SEC23B: variants seen among roughly 807,000 people sequenced by gnomAD.
The protein encoded by SEC23B is protein transport protein Sec23B.
A neutral mutation model predicts 104.3 loss-of-function variants in SEC23B; 77 were observed. The ratio of observed to expected loss-of-function variants is 0.74; its 90% CI spans 0.61 to 0.89. SEC23B has a LOEUF of 0.89. SEC23B is among the 40% of genes least tolerant of loss of function. SEC23B has a pLI of 0.00. For synonymous variants in SEC23B, 338 were observed against 332.5 expected (o/e 1.02, Z -0.18); for missense variants, 885 against 949.4 (o/e 0.93, Z 0.89).
In SEC23B at chr20:18,542,410, G is replaced by A; in HGVS notation, c.1511+8G>A. 3 of 1,611,252 alleles carry A rather than the reference G, an allele frequency of 1.9e-6. No individual in the cohort carries two copies. Among genetic ancestry groups the A allele is most frequent in the East Asian group, 2.2e-5 (1 of 44,876 alleles). On this transcript the variant is annotated splice_region_variant and intron_variant, in intron 13 of 19. Coordinates refer to ENST00000650089, the MANE Select transcript of SEC23B (RefSeq NM_006363.6). ...GACCACCATCGCCCGAAAGTAAGCAGCCCCAGTTTCCTTTCTGTTGAGGAA... is the reference window on the plus strand; with the variant it reads ...GACCACCATCGCCCGAAAGTAAGCAACCCCAGTTTCCTTTCTGTTGAGGAA...
chr20:18,553,149 G>C (rs2060404420), intron 17 of SEC23B, among the ~76,000 whole-genome samples: 1 of 152,200 alleles, frequency 6.6e-6, no homozygotes, highest in African/African-American at 2.4e-5. Context: ...GCAAGTGAGG[G>C]GTTCTAAGGA....
In SEC23B at chr20:18,537,714, T is replaced by C. The variant is rs755953173; in HGVS notation, c.1404+1972T>C. Among the ~76,000 whole-genome samples, 193 of 152,178 alleles carry C rather than the reference T, an allele frequency of 1.3e-3. 1 individual carries two copies. The highest frequency in any genetic ancestry group is 2.2e-3 in the Non-Finnish European group (149 of 68,012). Reference sequence around the variant, plus strand: ...AACTAACCTGCACATTGTGCACATGTACCCTAAAACTTAAAGTATAATAAT... The same window carrying C: ...AACTAACCTGCACATTGTGCACATGCACCCTAAAACTTAAAGTATAATAAT... On this transcript the variant is annotated intron_variant, in intron 12 of 19. Coordinates refer to ENST00000650089, the MANE Select transcript of SEC23B (RefSeq NM_006363.6).
At position 18,513,450 on chromosome 20, in the gene SEC23B, T is replaced by G. The variant is rs1252211358; in HGVS notation, c.279+1168T>G. On this transcript the variant is annotated intron_variant, in intron 3 of 19. Transcript: ENST00000650089. ...TCTAAAAATCATTGACTTGTATAATTAAAATGAGTGAATTTTATGTTGCGT... is the reference window on the plus strand; with the variant it reads ...TCTAAAAATCATTGACTTGTATAATGAAAATGAGTGAATTTTATGTTGCGT... Among the ~76,000 whole-genome samples, 3 of 152,248 alleles carry G rather than the reference T, an allele frequency of 2.0e-5. No individual in the cohort carries two copies. The East Asian group carries it at 5.8e-4, about 29-fold the overall frequency.
At chr20:18,516,706 C>T (rs1466902109) in intron 4 of SEC23B, among the ~76,000 whole-genome samples, 8 of 151,952 alleles carry the variant, frequency 5.3e-5, no homozygotes, top group Non-Finnish European at 8.8e-5. Flanking sequence ...CGCCTGCCAC[C>T]ACGCCCGGCT....
In SEC23B at chr20:18,512,321, T is replaced by C. The variant is rs760695417; in HGVS notation, c.279+39T>C. 4.7e-6 allele frequency: 6 copies of C among 1,289,734 alleles called. No individual in the cohort carries two copies. In the Admixed American group the frequency reaches 1.1e-4, roughly 23 times the overall value. The allele number at this position is 1,289,734 out of a possible 1,614,324, so 79.9% of individuals were successfully genotyped here. On this transcript the variant is annotated intron_variant, in intron 3 of 19. Transcript: ENST00000650089. ...TTTTAAAAAATGTTATATGTTTTAT[T>C]TTAGTTGTATTATGAAAAAAATTAA...
rs757178211 is a variant in SEC23B at position 18,543,088 on chromosome 20, G to T, written c.1581G>T (p.Leu527Phe). The change falls in exon 14 of 20, where the codon TTG becomes TTT. Residue 527 changes from leucine (L) to phenylalanine (F), a missense_variant. Leu to Phe is a conservative substitution (Grantham distance 22, BLOSUM62 0). Coordinates refer to ENST00000650089, the MANE Select transcript of SEC23B (RefSeq NM_006363.6). ...AAFDQEAAAV[L>F]MARLGVFRAE... ...TTGACCAGGAGGCTGCGGCAGTGTT[G>T]ATGGCACGGCTTGGGGTGTTCCGAG... 2 of 1,614,098 alleles carry T rather than the reference G, an allele frequency of 1.2e-6. No homozygotes were observed. Among genetic ancestry groups the T allele is most frequent in the Non-Finnish European group, 1.7e-6 (2 of 1,180,052 alleles).
intron 19 of SEC23B, 117 bp downstream of exon 19, chr20:18,555,290 G>A: frequency 2.3e-6 from 2 of 865,800 alleles, no homozygotes; most frequent in Non-Finnish European, 3.8e-6. Flanking sequence ...GCGTAAGTTG[G>A]GTATTTTGCT....
intron 19 of SEC23B, among the ~76,000 whole-genome samples, chr20:18,557,745 C>CTTTTTTTTTTTTTT (rs11477198): frequency 4.2e-4 from 49 of 116,824 alleles, no homozygotes; most frequent in East Asian, 1.2e-3. Flanking sequence ...TTTTTCTTTT[C>CTTTTTTTTTTTTTT]TTTTTTTTTT....
chr20:18,518,807 G>A (rs1464186097), intron 4 of SEC23B, among the ~76,000 whole-genome samples: 1 of 152,042 alleles, frequency 6.6e-6, no homozygotes, highest in African/African-American at 2.4e-5. Flanking sequence ...GGCCCTTGCA[G>A]TGTATGACTC....
chr20:18,539,329 C>A (rs952668473), intron 12 of SEC23B, among the ~76,000 whole-genome samples: 5 of 151,566 alleles, frequency 3.3e-5, no homozygotes, highest in Non-Finnish European at 5.9e-5. Context: ...CATGGTGAAA[C>A]CCCATCTCTA....
chr20:18,513,682 G>C (rs2060000738), intron 3 of SEC23B, among the ~76,000 whole-genome samples: 1 of 152,234 alleles, frequency 6.6e-6, no homozygotes, highest in Non-Finnish European at 1.5e-5. Context: ...ACTATAAGCA[G>C]ATGTCATTTA....
At chr20:18,556,051 C>T (rs2060434602) in intron 19 of SEC23B, among the ~76,000 whole-genome samples, 2 of 151,920 alleles carry the variant, frequency 1.3e-5, no homozygotes, top group South Asian at 4.1e-4. Flanking sequence ...AGATCCCTCA[C>T]ATGCGTTGTT....
At chr20:18,538,012 T>C (rs2060252167) in intron 12 of SEC23B, among the ~76,000 whole-genome samples, 1 of 152,074 alleles carries the variant, frequency 6.6e-6, no homozygotes, top group Admixed American at 6.6e-5. Flanking sequence ...GGCACGGTCT[T>C]GGCTCACTGC....
chr20:18,560,460 G>T (rs1263601078), intron 19 of SEC23B, among the ~76,000 whole-genome samples, 191 bp from the exon 20 acceptor site: 4 of 152,192 alleles, frequency 2.6e-5, no homozygotes, highest in South Asian at 2.1e-4. Context: ...GGCATACCAG[G>T]AAAGGATTTT....
At chr20:18,524,369 C>A in intron 4 of SEC23B, 64 bp from the exon 5 acceptor site, 1 of 1,217,620 alleles carries the variant, frequency 8.2e-7, no homozygotes, top group Non-Finnish European at 1.2e-6. Context: ...CCTAATTTGC[C>A]TTAAAAAGTG....
rs2060130013 is a variant in SEC23B at position 18,525,931 on chromosome 20, A to T, written c.833A>T (p.Glu278Val). ...TTGTCCATTGCTGTTGGCTTGCTGGAGGTAATTTAAAATTTACCAGGACCT... is the reference window on the plus strand; with the variant it reads ...TTGTCCATTGCTGTTGGCTTGCTGGTGGTAATTTAAAATTTACCAGGACCT... ...VALSIAVGLLEGTFPNTGARI... is the reference protein window; with the variant it reads ...VALSIAVGLLVGTFPNTGARI... Residue 278 changes from glutamate (E) to valine (V), a missense_variant and splice_region_variant, in exon 7 of 20, where the codon GAG becomes GTG. Physicochemically the swap from Glu to Val is moderately radical, Grantham distance 121. Coordinates refer to ENST00000650089, the MANE Select transcript of SEC23B (RefSeq NM_006363.6). 1.9e-6 allele frequency: 3 copies of T among 1,614,020 alleles called. No individual in the cohort carries two copies.
intron 11 of SEC23B, among the ~76,000 whole-genome samples, chr20:18,533,051 C>T (rs899722978): frequency 2.0e-5 from 3 of 152,204 alleles, no homozygotes; most frequent in African/African-American, 7.2e-5. Flanking sequence ...GCCAAAGCCA[C>T]GGCATGCTGT....
chr20:18,546,918 T>G (rs971410664), intron 15 of SEC23B, among the ~76,000 whole-genome samples: 7 of 150,748 alleles, frequency 4.6e-5, no homozygotes, highest in South Asian at 2.1e-4. Context: ...TTTTTTTTTT[T>G]TTTTTTTTTT....
chr20:18,550,021 G>A (rs1254866011), intron 16 of SEC23B, among the ~76,000 whole-genome samples: 1 of 129,482 alleles, frequency 7.7e-6, no homozygotes, highest in Non-Finnish European at 1.6e-5. Flanking sequence ...AAAATTATAT[G>A]TGTATATGTA....
Sources: gnomAD v4.1 joint callset for allele counts (sites outside exome capture counted in the v4.1 genomes callset) on GRCh38, gnomAD v4.1.1 for gene constraint, MANE v1.5 for transcripts, NCBI Gene and HGNC (gene_info 2026-07-23, HGNC 2026-07-21) for gene names.